SEZ6: variants seen among roughly 807,000 people sequenced by gnomAD.
SEZ6 encodes seizure protein 6 homolog.
In SEZ6, 53 loss-of-function variants were observed where a neutral mutation model predicts 101.0. That is an observed-to-expected ratio of 0.52 (90% confidence interval 0.42 to 0.66). The LOEUF is 0.66. SEZ6 is among the 30% of genes least tolerant of loss of function. The pLI is 0.00. For synonymous variants in SEZ6, 488 were observed against 512.2 expected, an observed-to-expected ratio of 0.95 and a Z score of 0.64; for missense variants, 1,102 against 1,289.4, an observed-to-expected ratio of 0.85 and a Z score of 2.23.
At chr17:28,989,258 T>TA (rs2041425105) in intron 1 of SEZ6, among the ~76,000 whole-genome samples, 1 of 152,178 alleles carries the variant, frequency 6.6e-6, no homozygotes, top group African/African-American at 2.4e-5. Flanking sequence ...GCTCTATGAA[T>TA]AAAAATATTG....
chr17:28,957,471 C>T lies in SEZ6; in HGVS notation c.2371G>A (p.Val791Met), dbSNP rs1028541937. 6.8e-6 allele frequency: 11 copies of T among 1,613,816 alleles called. No homozygotes were observed. Among genetic ancestry groups the T allele is most frequent in the Middle Eastern group, 1.6e-4 (1 of 6,082 alleles). Residue 791 changes from valine (V) to methionine (M), a missense_variant, in exon 12 of 17, where the codon GTG becomes ATG. Val to Met is a conservative substitution (Grantham distance 21). Around this residue, in one of 3 missense-constraint regions of SEZ6, gnomAD observed 556 missense variants for 735.1 expected, o/e 0.76. Coordinates refer to ENST00000317338, the MANE Select transcript of SEZ6 (RefSeq NM_178860.5). Reference sequence around the variant, plus strand: ...CAGATATATTGCACGGTGGCCCCCACGGGAAACTTGGGGCTGGATATGAGG... The same window carrying T: ...CAGATATATTGCACGGTGGCCCCCATGGGAAACTTGGGGCTGGATATGAGG... ...RRLISSPKFP[V>M]GATVQYICDQ...
intron 4 of SEZ6, among the ~76,000 whole-genome samples, chr17:28,967,635 G>T (rs1239548132): frequency 6.6e-6 from 1 of 152,140 alleles, no homozygotes; most frequent in African/African-American, 2.4e-5. Context: ...GCCTAGTGGG[G>T]TCTAGACCAT....
At chr17:28,973,762 TTGCAGGCATC>T (rs1334388087) in intron 3 of SEZ6, among the ~76,000 whole-genome samples, 1 of 152,126 alleles carries the variant, frequency 6.6e-6, no homozygotes, top group Non-Finnish European at 1.5e-5. Context: ...TTGATGCAAT[TTGCAGGCATC>T]TGTAGAGCCT....
chr17:28,964,185 A>G (rs1419492168), intron 4 of SEZ6, 38 bp from the exon 5 acceptor site: 65 of 807,042 alleles, frequency 8.1e-5, no homozygotes, highest in Non-Finnish European at 1.0e-4. Flanking sequence ...GTATGTGTGC[A>G]GGGTGGGGGC....
chr17:28,999,631 C>G (rs534620763), intron 1 of SEZ6, among the ~76,000 whole-genome samples: 14 of 152,314 alleles, frequency 9.2e-5, no homozygotes, highest in Non-Finnish European at 1.8e-4. Flanking sequence ...ATCCTCCCCC[C>G]ACAGGTCTGG....
intron 3 of SEZ6, among the ~76,000 whole-genome samples, chr17:28,978,126 C>G (rs541235583): frequency 6.6e-6 from 1 of 152,318 alleles, no homozygotes; most frequent in South Asian, 2.1e-4. Flanking sequence ...GTCCCCAATC[C>G]AGGGACATGC....
chr17:28,971,342 C>T (rs909743021), intron 3 of SEZ6, among the ~76,000 whole-genome samples: 2 of 152,174 alleles, frequency 1.3e-5, no homozygotes, highest in African/African-American at 4.8e-5. Flanking sequence ...CCTGTAATCC[C>T]AGCACTTTGG....
intron 1 of SEZ6, among the ~76,000 whole-genome samples, chr17:28,987,636 A>T (rs2041401658): frequency 6.6e-6 from 1 of 152,106 alleles, no homozygotes; most frequent in Non-Finnish European, 1.5e-5. Flanking sequence ...GCCAGAATGG[A>T]CACATTCTGT....
chr17:28,983,312 C>A (rs181829226), intron 1 of SEZ6, among the ~76,000 whole-genome samples: 57 of 152,316 alleles, frequency 3.7e-4, no homozygotes, highest in African/African-American at 1.3e-3. Context: ...AATCAGGTTC[C>A]ATCTAGGGCA....
intron 3 of SEZ6, among the ~76,000 whole-genome samples, chr17:28,974,331 G>C (rs9899975): frequency 5.5e-4 from 83 of 152,052 alleles, no homozygotes; most frequent in African/African-American, 1.8e-3. Flanking sequence ...CCCCTCAAAC[G>C]TGTCATGGCA....
In SEZ6 at chr17:28,959,644, C is replaced by T. The variant is rs2277664; in HGVS notation, c.1771+54G>A. 3 of 1,538,360 alleles carry T rather than the reference C, an allele frequency of 2.0e-6. No homozygotes were observed. The highest frequency in any genetic ancestry group is 3.8e-5 in the Admixed American group (2 of 52,650). On this transcript the variant is annotated intron_variant, in intron 8 of 16. Coordinates refer to ENST00000317338, the MANE Select transcript of SEZ6 (RefSeq NM_178860.5). The surrounding 1 kb of genome is among the most constrained non-coding windows in gnomAD (Gnocchi z 4.4). ...TGGCCCCGGGCTCTGCTGCTATTCT[C>T]CTGGTATGACCCTGCCTTTTGCCCG...
chr17:28,981,770 G>A lies in SEZ6; in HGVS notation c.325C>T (p.Arg109Cys), dbSNP rs1466104100. The A allele has an allele frequency of 1.7e-5, 28 of 1,612,288 alleles. No homozygotes were observed. Among genetic ancestry groups the A allele is most frequent in the Non-Finnish European group, 1.9e-5 (22 of 1,178,542 alleles). The change falls in exon 2 of 17, where the codon CGC becomes TGC. Residue 109 changes from arginine to cysteine, a missense_variant. By Grantham distance (180) the Arg-to-Cys change is radical. Around this residue, in one of 3 missense-constraint regions of SEZ6, gnomAD observed 406 missense variants for 418.6 expected, o/e 0.97. Coordinates refer to ENST00000317338, the MANE Select transcript of SEZ6 (RefSeq NM_178860.5). The stretch of plus-strand genomic sequence containing the variant: ...GGGCGGCTGTCCTGGTTGGCCAGGC[G>A]GGGAAGGGGACTTGGGGTGAAGGGT... ...PAPFTPSPLP[R>C]LANQDSRPVF...
At chr17:29,004,286 C>T (rs1270577222) in intron 1 of SEZ6, among the ~76,000 whole-genome samples, 1 of 152,194 alleles carries the variant, frequency 6.6e-6, no homozygotes, top group Non-Finnish European at 1.5e-5. Flanking sequence ...AGCGCCAGGA[C>T]CCATCAGGAC....
intron 1 of SEZ6, among the ~76,000 whole-genome samples, chr17:28,990,028 C>T (rs2041434918): frequency 1.3e-5 from 2 of 152,062 alleles, no homozygotes; most frequent in Non-Finnish European, 2.9e-5. Flanking sequence ...GCTGAGATAG[C>T]ACCATTGCAC....
At chr17:28,989,795 C>T (rs572273124) in intron 1 of SEZ6, among the ~76,000 whole-genome samples, 6 of 152,276 alleles carry the variant, frequency 3.9e-5, no homozygotes, top group East Asian at 3.9e-4. Context: ...AGGCCAGGTG[C>T]GGTGGCTCAC....
chr17:29,001,247 A>G (rs901309174), intron 1 of SEZ6, among the ~76,000 whole-genome samples: 1 of 152,202 alleles, frequency 6.6e-6, no homozygotes, highest in Non-Finnish European at 1.5e-5. Flanking sequence ...CAAGCAGCTG[A>G]CCCTAAACTT....
rs1337326569 is a variant in SEZ6, at chr17:28,956,755, A to G, written c.2695T>C (p.Ser899Pro). Residue 899 changes from serine (S) to proline (P), a missense_variant and splice_region_variant, in exon 14 of 17, where the codon TCT becomes CCT. By Grantham distance (74) the Ser-to-Pro change is moderately conservative. Around this residue, in one of 3 missense-constraint regions of SEZ6, gnomAD observed 140 missense variants for 135.7 expected, o/e 1.03. Coordinates refer to ENST00000317338, the MANE Select transcript of SEZ6 (RefSeq NM_178860.5). ...SDPPPICRAA[S>P]LDGFYNSRSL... ...CGACTGTTGTAGAACCCATCCAGAG[A>G]GGCTGGAACAAAAGGGGAGGGCCAA... 1.4e-5 allele frequency: 22 copies of G among 1,562,842 alleles called. No homozygotes were observed. The highest frequency in any genetic ancestry group is 1.9e-5 in the Non-Finnish European group (22 of 1,153,374).
chr17:28,988,698 C>T (rs2041417015), intron 1 of SEZ6, among the ~76,000 whole-genome samples: 1 of 152,236 alleles, frequency 6.6e-6, no homozygotes, highest in African/African-American at 2.4e-5. Context: ...GCAGTCCAGT[C>T]AAATTTGGAT....
At position 28,957,426 on chromosome 17, in the gene SEZ6, T is replaced by G. The variant is rs374539549; in HGVS notation, c.2416A>C (p.Met806Leu). The G allele has an allele frequency of 6.2e-7, 1 of 1,613,612 alleles. No homozygotes were observed. The highest frequency in any genetic ancestry group is 8.5e-7 in the Non-Finnish European group (1 of 1,179,730). The change falls in exon 12 of 17, where the codon ATG becomes CTG. Residue 806 changes from methionine to leucine, a missense_variant. By Grantham distance (15) the Met-to-Leu change is conservative. Coordinates refer to ENST00000317338, the MANE Select transcript of SEZ6 (RefSeq NM_178860.5). Reference protein sequence around the residue: ...QYICDQGFVLMGSSILTCHDR... With the variant: ...QYICDQGFVLLGSSILTCHDR... ...TGGCAGGTGAGGATGGAGCTGCCCA[T>G]CAGCACAAAACCCTGGTCACAGATA...
Sources: gnomAD v4.1 joint callset for allele counts (sites outside exome capture counted in the v4.1 genomes callset) on GRCh38, gnomAD v4.1.1 for gene constraint, gnomAD v4.1.1 regional missense constraint, Gnocchi (gnomAD v3.1) non-coding constraint, MANE v1.5 for transcripts, NCBI Gene and HGNC (gene_info 2026-07-23, HGNC 2026-07-21) for gene names.